The following CLTCL1 variants were observed in gnomAD, a reference collection of about 807,000 sequenced individuals.
CLTCL1 encodes clathrin heavy chain 2.
In CLTCL1, 159 loss-of-function variants were observed where a neutral mutation model predicts 190.0. That is an observed-to-expected ratio of 0.84 (90% CI 0.74 to 0.95). The LOEUF is 0.95. Ranked by LOEUF, CLTCL1 falls within the 40% of genes least tolerant of loss-of-function variation. CLTCL1 has a pLI of 0.00. For synonymous variants in CLTCL1, 752 were observed against 769.6 expected, an observed-to-expected ratio of 0.98 and a Z score of 0.38; for missense variants, 1,878 against 2,033.4, an observed-to-expected ratio of 0.92 and a Z score of 1.47.
At chr22:19,255,991 C>T (rs1284140780) in intron 2 of CLTCL1, among the ~76,000 whole-genome samples, 2 of 151,546 alleles carry the variant, frequency 1.3e-5, no homozygotes, top group East Asian at 3.9e-4. Flanking sequence ...AGCAAAGTCT[C>T]TACACTATAA....
chr22:19,217,806 C>G (rs1185464988), intron 18 of CLTCL1, among the ~76,000 whole-genome samples: 1 of 150,134 alleles, frequency 6.7e-6, no homozygotes, highest in Non-Finnish European at 1.5e-5. Context: ...CGAGATCACG[C>G]CATTGCACTC....
intron 2 of CLTCL1, among the ~76,000 whole-genome samples, chr22:19,273,408 T>C (rs1049312583): frequency 2.0e-5 from 3 of 152,128 alleles, no homozygotes; most frequent in African/African-American, 4.8e-5. Flanking sequence ...GTGATCTATA[T>C]GACCATTAAG....
chr22:19,282,633 A>T (rs1434232034), intron 1 of CLTCL1, among the ~76,000 whole-genome samples: 1 of 151,786 alleles, frequency 6.6e-6, no homozygotes, highest in African/African-American at 2.4e-5. Flanking sequence ...TGTCTCAAAA[A>T]AAAAAAAAGA....
intron 2 of CLTCL1, among the ~76,000 whole-genome samples, chr22:19,260,635 C>T (rs547696396): frequency 2.0e-5 from 3 of 151,788 alleles, no homozygotes; most frequent in South Asian, 2.1e-4. Context: ...AAAAATTAGC[C>T]GGGCATGGTG....
intron 29 of CLTCL1, chr22:19,184,761 A>T (rs1402048423): frequency 5.9e-6 from 2 of 341,310 alleles, no homozygotes; most frequent in Non-Finnish European, 1.2e-5. Context: ...GAGGACTTCC[A>T]GTAGAAGCAG....
chr22:19,230,966 G>C (rs565772764), intron 10 of CLTCL1, among the ~76,000 whole-genome samples: 132 of 152,220 alleles, frequency 8.7e-4, no homozygotes, highest in African/African-American at 3.1e-3. Context: ...CCTGGAGCTG[G>C]GACATTCTCC....
At chr22:19,249,989 C>A in intron 3 of CLTCL1, 1 of 349,324 alleles carries the variant, frequency 2.9e-6, no homozygotes. Context: ...CGCGGTGGCT[C>A]ACACCTGTAA....
intron 7 of CLTCL1, 77 bp downstream of exon 7, chr22:19,234,432 T>C (rs1340660547): frequency 1.2e-5 from 15 of 1,295,084 alleles, no homozygotes; most frequent in Non-Finnish European, 1.6e-5. Flanking sequence ...ACTAGTGAAA[T>C]GCTTTTATGA....
At chr22:19,241,441 C>T (rs2086251300) in intron 4 of CLTCL1, among the ~76,000 whole-genome samples, 1 of 152,206 alleles carries the variant, frequency 6.6e-6, no homozygotes, top group Admixed American at 6.5e-5. Context: ...TGACACGTGA[C>T]CCGAGTCCTT....
intron 2 of CLTCL1, among the ~76,000 whole-genome samples, chr22:19,256,354 C>CTTTTTTTTTTTTTTTTTTTTTTTCTT (rs1239133099): frequency 9.6e-6 from 1 of 104,340 alleles, no homozygotes; most frequent in Admixed American, 1.2e-4. Context: ...TTTCTTTTAT[C>CTTTTTTTTTTTTTTTTTTTTTTTCTT]TTTTTTTTTT....
At chr22:19,255,792 C>A (rs1197238302) in intron 2 of CLTCL1, among the ~76,000 whole-genome samples, 1 of 148,440 alleles carries the variant, frequency 6.7e-6, no homozygotes, top group African/African-American at 2.5e-5. Context: ...CTCCTGTAAT[C>A]CCAGCTACTC....
Position 19,187,733 on chromosome 22 carries a change from G to A in CLTCL1, c.4435-5C>T. 1.2e-6 allele frequency: 2 copies of A among 1,612,622 alleles called. No individual in the cohort carries two copies. Among genetic ancestry groups the A allele is most frequent in the African/African-American group, 1.3e-5 (1 of 75,042 alleles). The stretch of plus-strand genomic sequence containing the variant: ...ATCGATAGATGCCCTTAAGCCCTAG[G>A]AAGACAGCCTTTCTGTGAGGGATGG... On this transcript the variant is annotated splice_polypyrimidine_tract_variant and splice_region_variant and intron_variant, in intron 28 of 32. Coordinates refer to ENST00000427926, the MANE Select transcript of CLTCL1 (RefSeq NM_007098.4).
In CLTCL1 at chr22:19,247,419, GT is replaced by G. The variant is rs578091792; in HGVS notation, c.520-4484del. Among the ~76,000 whole-genome samples, 16 of 152,122 alleles carry G rather than the reference GT, an allele frequency of 1.1e-4. 1 individual carries two copies. In the East Asian group the frequency reaches 3.1e-3, roughly 29 times the overall value. On this transcript the variant is annotated intron_variant, in intron 3 of 32. Coordinates refer to ENST00000427926, the MANE Select transcript of CLTCL1 (RefSeq NM_007098.4). The stretch of plus-strand genomic sequence containing the variant: ...AATGCATGGGATTTTTTTATTTGTT[GT>G]TTTTTAGTTTGTCAGTAAAGCATAT...
At chr22:19,221,819 G>A in intron 16 of CLTCL1, 132 bp downstream of exon 16, 1 of 1,068,456 alleles carries the variant, frequency 9.4e-7, no homozygotes, top group Non-Finnish European at 1.3e-6. Flanking sequence ...CCAATAGCAA[G>A]TAACTCATTG....
At chr22:19,193,291 G>A (rs1236374485) in intron 26 of CLTCL1, among the ~76,000 whole-genome samples, 2 of 152,240 alleles carry the variant, frequency 1.3e-5, no homozygotes, top group African/African-American at 2.4e-5. Flanking sequence ...TTAAGGTGGA[G>A]TATAACTGCC....
Position 19,180,729 on chromosome 22 carries a change from A to G in CLTCL1, c.4903+2T>C. ...GGGTTGGGGGCTACAGGTGCCACCT[A>G]CCAAACACGAGAGGGGCAGGCTCTG... On this transcript the variant is annotated splice_donor_variant, in intron 31 of 32. Coordinates refer to ENST00000427926, the MANE Select transcript of CLTCL1 (RefSeq NM_007098.4). LOFTEE classifies it high-confidence loss of function. 1 of 1,613,634 alleles carries G rather than the reference A, an allele frequency of 6.2e-7. No individual in the cohort carries two copies. The highest frequency in any genetic ancestry group is 8.5e-7 in the Non-Finnish European group (1 of 1,179,724).
At chr22:19,207,494 C>G (rs1462676966) in intron 22 of CLTCL1, 2 of 400,518 alleles carry the variant, frequency 5.0e-6, no homozygotes, top group African/African-American at 2.1e-5. Context: ...ATTTCCATAC[C>G]AATAATAGCA....
intron 26 of CLTCL1, among the ~76,000 whole-genome samples, chr22:19,194,702 GGA>G (rs2084639325): frequency 1.3e-5 from 2 of 152,200 alleles, no homozygotes; most frequent in Non-Finnish European, 2.9e-5. Flanking sequence ...TAGCCCACAT[GGA>G]GAGAGACAGT....
At chr22:19,215,102 C>CA (rs1325195416) in intron 19 of CLTCL1, among the ~76,000 whole-genome samples, 1 of 152,230 alleles carries the variant, frequency 6.6e-6, no homozygotes, top group Non-Finnish European at 1.5e-5. Flanking sequence ...TGGAAGTACA[C>CA]ACAAACTAAC....
Sources: gnomAD v4.1 joint callset for allele counts (sites outside exome capture counted in the v4.1 genomes callset) on GRCh38, gnomAD v4.1.1 for gene constraint, MANE v1.5 for transcripts, NCBI Gene and HGNC (gene_info 2026-07-23, HGNC 2026-07-21) for gene names.